PMF1: variants seen among roughly 807,000 people sequenced by gnomAD.
The protein encoded by PMF1 is polyamine-modulated factor 1.
Under a neutral mutation model 26.7 loss-of-function variants are expected in PMF1, and 21 were observed. The observed-to-expected ratio is 0.79, with a 90% CI of 0.56 to 1.13. The LOEUF (loss-of-function observed/expected upper bound fraction) is 1.13, where lower values mean the gene tolerates loss of function less well. Ranked by LOEUF, PMF1 falls within the 50% of genes most tolerant of loss-of-function variation. The pLI is 0.00. For synonymous variants in PMF1, 105 were observed against 101.0 expected (o/e 1.04, Z -0.24); for missense variants, 266 against 254.9 (o/e 1.04, Z -0.30).
At chr1:156,237,487 C>T (rs1659093758) in intron 4 of PMF1, among the ~76,000 whole-genome samples, 1 of 135,378 alleles carries the variant, frequency 7.4e-6, no homozygotes, top group South Asian at 2.3e-4. Flanking sequence ...CACTCTGTTG[C>T]CCAGGCTGGA....
At chr1:156,213,985 C>T (rs1422859182) in intron 1 of PMF1, among the ~76,000 whole-genome samples, 1 of 152,176 alleles carries the variant, frequency 6.6e-6, no homozygotes, top group Admixed American at 6.5e-5. Flanking sequence ...GATCTTGGCT[C>T]ATTGCAACCT....
At chr1:156,234,355 G>T (rs557548019) in intron 3 of PMF1, among the ~76,000 whole-genome samples, 1 of 152,042 alleles carries the variant, frequency 6.6e-6, no homozygotes, top group African/African-American at 2.4e-5. Flanking sequence ...TGGGAGAAAG[G>T]GTGGGTGGGG....
chr1:156,236,686 C>T (rs929996654), intron 4 of PMF1: 28 of 679,710 alleles, frequency 4.1e-5, no homozygotes, highest in Non-Finnish European at 6.7e-5. Flanking sequence ...CCCCCAGATC[C>T]TCCACCAGGC....
In PMF1 at chr1:156,230,076, A is replaced by C. The variant is rs532660874; in HGVS notation, c.162-2244A>C. On this transcript the variant is annotated intron_variant, in intron 1 of 4. Coordinates refer to ENST00000368277, the MANE Select transcript of PMF1 (RefSeq NM_007221.4). ...GGGGGCGGGTTTCGTGAGGAGGCTT[A>C]AAGAGCCATGAGAAAGGGAGGACCC... Among the ~76,000 whole-genome samples, 5 of 152,290 alleles carry C rather than the reference A, an allele frequency of 3.3e-5. No homozygotes were observed. In the South Asian group the frequency reaches 1.0e-3, roughly 32 times the overall value.
rs374425614 is a variant in PMF1 at position 156,224,342 on chromosome 1, G to A, written c.162-7978G>A. On this transcript the variant is annotated intron_variant, in intron 1 of 4. Transcript: ENST00000368277. ...TATTTGGCAATCTGCAATATTTTAC[G>A]GTTAACCACAGTCACTCTACTGTAC... Among the ~76,000 whole-genome samples, 9 of 152,106 alleles carry A rather than the reference G, an allele frequency of 5.9e-5. No homozygotes were observed. In the South Asian group the frequency reaches 1.7e-3, roughly 28 times the overall value.
intron 1 of PMF1, among the ~76,000 whole-genome samples, chr1:156,214,912 C>G (rs578044453): frequency 3.5e-4 from 52 of 150,156 alleles, no homozygotes; most frequent in African/African-American, 1.2e-3. Context: ...GTGTCTAGCT[C>G]TGTTGCCCAG....
chr1:156,233,646 A>G lies in PMF1; in HGVS notation c.286A>G (p.Lys96Glu), dbSNP rs1572502384. 6.8e-6 allele frequency: 11 copies of G among 1,614,020 alleles called. No individual in the cohort carries two copies. In the East Asian group the frequency reaches 2.0e-4, roughly 29 times the overall value. The change falls in exon 3 of 5, where the codon AAA becomes GAA. Residue 96 changes from lysine to glutamate, a missense_variant. Physicochemically the swap from Lys to Glu is moderately conservative, Grantham distance 56 (BLOSUM62 1). Transcript: ENST00000368277. Reference protein sequence around the residue: ...TSIREEISDIKEEGNLEAVLN... With the variant: ...TSIREEISDIEEEGNLEAVLN... ...TCTTCAGGAGGAAATCTCTGACATC[A>G]AAGAGGAGGGGAACCTAGAAGCTGT...
At chr1:156,223,691 C>T (rs1034754629) in intron 1 of PMF1, 9 of 152,316 alleles carry the variant, frequency 5.9e-5, no homozygotes, top group Non-Finnish European at 1.3e-4. Flanking sequence ...CACACACACA[C>T]ACACCCGCCC....
chr1:156,216,227 C>T (rs1657690486), intron 1 of PMF1, among the ~76,000 whole-genome samples: 1 of 151,860 alleles, frequency 6.6e-6, no homozygotes, highest in Non-Finnish European at 1.5e-5. Context: ...CCCATCTCTA[C>T]TACAAATATA....
chr1:156,237,357 T>C (rs1184514723), intron 4 of PMF1: 1 of 152,164 alleles, frequency 6.6e-6, no homozygotes, highest in African/African-American at 2.4e-5. Flanking sequence ...CCTCCACCCT[T>C]TCCCCCAGCC....
intron 1 of PMF1, among the ~76,000 whole-genome samples, chr1:156,229,982 C>T (rs1658604318): frequency 6.6e-6 from 1 of 152,244 alleles, no homozygotes; most frequent in African/African-American, 2.4e-5. Flanking sequence ...TTCTCTCTTG[C>T]AGGCCACTGT....
chr1:156,221,105 T>G (rs537100356), intron 1 of PMF1, among the ~76,000 whole-genome samples: 17 of 152,264 alleles, frequency 1.1e-4, no homozygotes, highest in African/African-American at 4.1e-4. Context: ...GGTCCTCTTC[T>G]CTTGTCCTTT....
chr1:156,221,192 G>T (rs144329624), intron 1 of PMF1, among the ~76,000 whole-genome samples: 4 of 152,034 alleles, frequency 2.6e-5, no homozygotes, highest in African/African-American at 4.8e-5. Context: ...GAAAGCCTTC[G>T]GTGACTGTCC....
rs547359009 is a variant in PMF1 at position 156,215,154 on chromosome 1, G to C, written c.161+1978G>C. Among the ~76,000 whole-genome samples, 6 of 152,194 alleles carry C rather than the reference G, an allele frequency of 3.9e-5. No individual in the cohort carries two copies. The South Asian group carries it at 1.2e-3, about 32-fold the overall frequency. ...GCCTCCCAAAGTGCTGGGATTACAG[G>C]CATGAGCCACTGCACCCAGGCGGAA... On this transcript the variant is annotated intron_variant, in intron 1 of 4. Coordinates refer to ENST00000368277, the MANE Select transcript of PMF1 (RefSeq NM_007221.4).
Position 156,239,732 on chromosome 1 carries a change from C to T in PMF1, c.*131C>T. 1 of 755,390 alleles carries T rather than the reference C, an allele frequency of 1.3e-6. No homozygotes were observed. 46.8% of individuals were successfully genotyped at this position (755,390 alleles called of 1,614,324 possible). A position where few individuals can be genotyped will look rare whatever the true frequency, so the allele number is the denominator to read the frequency against. ...AGTCCATCAGCAGTGATGGAATTTGCTGGAGGACTAGGCCAGAGCAAGCCT... is the reference window on the plus strand; with the variant it reads ...AGTCCATCAGCAGTGATGGAATTTGTTGGAGGACTAGGCCAGAGCAAGCCT... On this transcript the variant is annotated 3_prime_UTR_variant, in exon 5 of 5. Coordinates refer to ENST00000368277, the MANE Select transcript of PMF1 (RefSeq NM_007221.4).
At chr1:156,233,148 T>A (rs115386029) in intron 2 of PMF1, among the ~76,000 whole-genome samples, 1 of 151,866 alleles carries the variant, frequency 6.6e-6, no homozygotes, top group African/African-American at 2.4e-5. Context: ...TTTTATTTCC[T>A]TAATTATTTT....
intron 1 of PMF1, among the ~76,000 whole-genome samples, chr1:156,224,242 CAG>C (rs1366318612): frequency 1.3e-5 from 2 of 152,148 alleles, no homozygotes; most frequent in Non-Finnish European, 2.9e-5. Context: ...ATGATCCAAT[CAG>C]GGTAATTAGC....
intron 1 of PMF1, among the ~76,000 whole-genome samples, chr1:156,215,034 C>T (rs1415853653): frequency 3.3e-5 from 5 of 151,792 alleles, no homozygotes; most frequent in African/African-American, 4.8e-5. Context: ...CCTGCTACCA[C>T]GGCCAGCTAA....
chr1:156,239,790 G>A lies in PMF1; in HGVS notation c.*189G>A. Reference sequence around the variant, plus strand: ...ACTGTGCCTTTGGGGCACCCTTGGGGTTGGACATACACCCCCTTTAGATTC... The same window carrying A: ...ACTGTGCCTTTGGGGCACCCTTGGGATTGGACATACACCCCCTTTAGATTC... On this transcript the variant is annotated 3_prime_UTR_variant, in exon 5 of 5. Coordinates refer to ENST00000368277, the MANE Select transcript of PMF1 (RefSeq NM_007221.4). 1.7e-6 allele frequency: 1 copy of A among 576,516 alleles called. No homozygotes were observed. The highest frequency in any genetic ancestry group is 3.1e-6 in the Non-Finnish European group (1 of 321,674). 35.7% of individuals were successfully genotyped at this position (576,516 alleles called of 1,614,324 possible). A position where few individuals can be genotyped will look rare whatever the true frequency, so the allele number is the denominator to read the frequency against.
Sources: gnomAD v4.1 joint callset for allele counts (sites outside exome capture counted in the v4.1 genomes callset) on GRCh38, gnomAD v4.1.1 for gene constraint, MANE v1.5 for transcripts, NCBI Gene and HGNC (gene_info 2026-07-23, HGNC 2026-07-21) for gene names.